The following COL11A1 variants were observed in gnomAD, a reference collection of about 807,000 sequenced individuals.
COL11A1 encodes the protein collagen type XI alpha 1 chain.
A neutral mutation model predicts 265.2 loss-of-function variants in COL11A1; 74 were observed. That is an observed-to-expected ratio of 0.28 (90% CI 0.23 to 0.34). The LOEUF is 0.34. Among genes scored for constraint, COL11A1 ranks in the 10% least tolerant of loss-of-function variants. The pLI is 1.00. For missense variants in COL11A1, 2,165 were observed against 2,263.6 expected (o/e 0.96, Z 0.88); for synonymous variants, 816 against 727.6 (o/e 1.12, Z -1.96).
At chr1:102,974,139 AAGCTG>A (rs1662237543) in intron 36 of COL11A1, among the ~76,000 whole-genome samples, 1 of 151,694 alleles carries the variant, frequency 6.6e-6, no homozygotes, top group Non-Finnish European at 1.5e-5. Flanking sequence ...ACAGGTGGGT[AAGCTG>A]ACTCCCACTC....
chr1:102,889,585 A>G, intron 58 of COL11A1, 23 bp from the exon 59 acceptor site: 1 of 1,506,716 alleles, frequency 6.6e-7, no homozygotes, highest in Non-Finnish European at 9.2e-7. Context: ...GAGAAAAAAA[A>G]TAATAACATG....
At chr1:103,083,258 G>GTGTGTA (rs1335949122) in intron 1 of COL11A1, among the ~76,000 whole-genome samples, 3 of 148,818 alleles carry the variant, frequency 2.0e-5, no homozygotes, top group Non-Finnish European at 4.5e-5. Context: ...CTGTGTGTGT[G>GTGTGTA]TGTGTGTGCG....
chr1:102,891,557 G>A (rs1335083274), intron 57 of COL11A1, among the ~76,000 whole-genome samples: 1 of 151,608 alleles, frequency 6.6e-6, no homozygotes, highest in Non-Finnish European at 1.5e-5. Flanking sequence ...GATGACTTTC[G>A]AACAAACTGT....
chr1:102,943,538 C>T (rs1041404101), intron 42 of COL11A1, among the ~76,000 whole-genome samples: 2 of 151,778 alleles, frequency 1.3e-5, no homozygotes, highest in Non-Finnish European at 2.9e-5. Context: ...AGAACTTACA[C>T]CCATTATAAT....
At chr1:102,918,357 A>G (rs1655592013) in intron 49 of COL11A1, among the ~76,000 whole-genome samples, 1 of 151,980 alleles carries the variant, frequency 6.6e-6, no homozygotes, top group Non-Finnish European at 1.5e-5. Context: ...GTGAAGTGCA[A>G]AAGTTATTTA....
intron 1 of COL11A1, chr1:103,100,274 A>C (rs1361026561): frequency 6.6e-6 from 1 of 151,982 alleles, no homozygotes; most frequent in Non-Finnish European, 1.5e-5. Context: ...GATGACCTTT[A>C]TAATGGATCC....
At chr1:103,010,015 T>C (rs1396991976) in intron 14 of COL11A1, among the ~76,000 whole-genome samples, 2 of 152,162 alleles carry the variant, frequency 1.3e-5, no homozygotes, top group African/African-American at 4.8e-5. Context: ...AAGCACTACC[T>C]ACTCAACAGA....
At chr1:103,102,215 C>T (rs986673133) in intron 1 of COL11A1, among the ~76,000 whole-genome samples, 3 of 151,952 alleles carry the variant, frequency 2.0e-5, no homozygotes, top group East Asian at 3.9e-4. Flanking sequence ...CATTCTAAAA[C>T]AGAAAGTATT....
At chr1:102,989,420 T>C (rs1663902003) in intron 29 of COL11A1, 98 bp downstream of exon 29, 2 of 660,038 alleles carry the variant, frequency 3.0e-6, no homozygotes, top group Non-Finnish European at 4.7e-6. Flanking sequence ...ACAAACATTT[T>C]ATTTATCATA....
intron 45 of COL11A1, 152 bp downstream of exon 45, chr1:102,934,908 G>A: frequency 1.3e-6 from 1 of 743,288 alleles, no homozygotes; most frequent in Non-Finnish European, 2.3e-6. Flanking sequence ...AATCAGCACG[G>A]CTAGCTATAT....
intron 46 of COL11A1, 134 bp from the exon 47 acceptor site, chr1:102,923,523 G>A: frequency 2.9e-6 from 2 of 685,922 alleles, no homozygotes; most frequent in Non-Finnish European, 5.1e-6. Context: ...ACTAACATTT[G>A]TTAAAATACC....
At chr1:103,105,810 C>G (rs1246849481) in intron 1 of COL11A1, among the ~76,000 whole-genome samples, 1 of 152,082 alleles carries the variant, frequency 6.6e-6, no homozygotes, top group Non-Finnish European at 1.5e-5. Flanking sequence ...CATTAATATA[C>G]TATTATTCCC....
intron 28 of COL11A1, among the ~76,000 whole-genome samples, chr1:102,991,607 A>G (rs1273212122): frequency 6.6e-6 from 1 of 152,164 alleles, no homozygotes; most frequent in African/African-American, 2.4e-5. Flanking sequence ...GCCGAACACA[A>G]GAATCCTGCC....
intron 66 of COL11A1, among the ~76,000 whole-genome samples, chr1:102,879,128 T>C (rs1301594596): frequency 6.6e-6 from 1 of 152,146 alleles, no homozygotes; most frequent in Non-Finnish European, 1.5e-5. Context: ...GCTAAAGCAA[T>C]GAACTTTTTA....
rs560065562 is a variant in COL11A1, at chr1:102,959,415, C to T, written c.3168+2451G>A. The stretch of plus-strand genomic sequence containing the variant: ...TTCCTAGTATTTTCTCGCTCTTCAA[C>T]GATTTTGTAATCTGCACTCTGTGAA... On this transcript the variant is annotated intron_variant, in intron 41 of 66. Transcript: ENST00000370096. Among the ~76,000 whole-genome samples, 20 of 19,854 alleles carry T rather than the reference C, an allele frequency of 1.0e-3. No homozygotes were observed. The South Asian group carries it at 0.046, about 46-fold the overall frequency. 13.0% of individuals were successfully genotyped at this position (19,854 alleles called of 152,430 possible).
At chr1:102,911,553 C>T (rs1400028357) in intron 54 of COL11A1, among the ~76,000 whole-genome samples, 1 of 152,074 alleles carries the variant, frequency 6.6e-6, no homozygotes, top group African/African-American at 2.4e-5. Context: ...GGCAGGTCTG[C>T]AGAGATTGCT....
chr1:102,896,615 C>G (rs189223664), intron 57 of COL11A1, among the ~76,000 whole-genome samples: 2 of 152,284 alleles, frequency 1.3e-5, no homozygotes, highest in East Asian at 3.9e-4. Flanking sequence ...TTTATCATTC[C>G]GCTTTACCTA....
At chr1:102,916,246 T>A (rs1046190295) in intron 49 of COL11A1, among the ~76,000 whole-genome samples, 2 of 152,172 alleles carry the variant, frequency 1.3e-5, no homozygotes, top group Admixed American at 6.5e-5. Context: ...AGTATACACA[T>A]AAATGTGATA....
chr1:102,990,499 C>T (rs1289471403), intron 28 of COL11A1, among the ~76,000 whole-genome samples: 1 of 151,722 alleles, frequency 6.6e-6, no homozygotes, highest in Non-Finnish European at 1.5e-5. Context: ...AGCAACAATG[C>T]TGAAAATGAA....
Sources: allele counts gnomAD v4.1 joint callset (sites outside exome capture counted in the v4.1 genomes callset), GRCh38; gene constraint gnomAD v4.1.1; transcripts MANE v1.5; gene names NCBI Gene and HGNC (gene_info 2026-07-23, HGNC 2026-07-21).